The following SYNE1 variants were observed in gnomAD, a reference collection of about 807,000 sequenced individuals.
SYNE1 encodes the protein spectrin repeat containing nuclear envelope protein 1, also known as nesprin-1.
In SYNE1, 616 loss-of-function variants were observed where a neutral mutation model predicts 1,111.0. The observed-to-expected ratio is 0.55, with a 90% confidence interval of 0.52 to 0.59. SYNE1 has a LOEUF of 0.59. Ranked by LOEUF, SYNE1 falls within the 20% of genes least tolerant of loss-of-function variation. The pLI is 0.00. For synonymous variants in SYNE1, 3,855 were observed against 3,825.8 expected (o/e 1.01, Z -0.28); for missense variants, 10,006 against 10,417.0 (o/e 0.96, Z 1.72).
At chr6:152,481,532 A>G (rs1256220691) in intron 14 of SYNE1, 2 of 453,672 alleles carry the variant, frequency 4.4e-6, no homozygotes, top group Non-Finnish European at 8.9e-6. Flanking sequence ...AAACATGCAC[A>G]TGTACCCCCT....
intron 3 of SYNE1, among the ~76,000 whole-genome samples, chr6:152,614,326 A>G (rs1293005154): frequency 6.6e-6 from 1 of 152,254 alleles, no homozygotes; most frequent in Non-Finnish European, 1.5e-5. Context: ...GGCAAAGGAT[A>G]TAAACAGACA....
At chr6:152,630,395 A>T (rs2099696045) in intron 2 of SYNE1, among the ~76,000 whole-genome samples, 1 of 152,202 alleles carries the variant, frequency 6.6e-6, no homozygotes, top group African/African-American at 2.4e-5. Flanking sequence ...GGGATTCTTC[A>T]TGGAGAAATA....
intron 16 of SYNE1, 61 bp downstream of exon 16, chr6:152,471,536 T>C: frequency 6.6e-7 from 1 of 1,511,646 alleles, no homozygotes; most frequent in Non-Finnish European, 9.2e-7. Context: ...TCAAAGAAAC[T>C]GAACTGTGTT....
In SYNE1 at chr6:152,447,375, T is replaced by G. The variant is rs1458711959; in HGVS notation, c.3669+83A>C. On this transcript the variant is annotated intron_variant, in intron 29 of 145. Transcript: ENST00000367255. ...ACTATGGTTTCTTTATAAAATTACT[T>G]GCTAAACTACAACCAGAAGAAAAAG... 3 of 1,463,562 alleles carry G rather than the reference T, an allele frequency of 2.0e-6. No individual in the cohort carries two copies. The African/African-American group carries it at 4.2e-5, about 21-fold the overall frequency. The allele number at this position is 1,463,562 out of a possible 1,614,324, so 90.7% of individuals were successfully genotyped here.
rs551711266 is a variant in SYNE1, at chr6:152,180,112, C to A, written c.23460+24G>T. On this transcript the variant is annotated intron_variant, in intron 129 of 145. Transcript: ENST00000367255. ...ACATAAGCCTTATGAAGAATGAAAA[C>A]CTAAGTAGCCATGCATTCCATACCT... 11 of 1,613,696 alleles carry A rather than the reference C, an allele frequency of 6.8e-6. No homozygotes were observed. In the African/African-American group the frequency reaches 9.3e-5, roughly 14 times the overall value.
At chr6:152,578,287 A>G (rs559864576) in intron 3 of SYNE1, among the ~76,000 whole-genome samples, 1 of 152,166 alleles carries the variant, frequency 6.6e-6, no homozygotes, top group African/African-American at 2.4e-5. Flanking sequence ...CATTACCACA[A>G]TATAATATGA....
At position 152,266,985 on chromosome 6, in the gene SYNE1, CTA is replaced by C. The variant is rs562646706; in HGVS notation, c.18815+1069_18815+1070del. Among the ~76,000 whole-genome samples the C allele has an allele frequency of 7.6e-3, 1,153 of 152,216 alleles. 5 individuals carry two copies. The highest frequency in any genetic ancestry group is 0.011 in the Non-Finnish European group (759 of 68,000). The stretch of plus-strand genomic sequence containing the variant: ...TCTAGTTCTTATCTACACACATACT[CTA>C]CTTTCAACTTTATATCACATTTTTA... On this transcript the variant is annotated intron_variant, in intron 100 of 145. Coordinates refer to ENST00000367255, the MANE Select transcript of SYNE1 (RefSeq NM_182961.4).
intron 3 of SYNE1, among the ~76,000 whole-genome samples, chr6:152,603,674 G>A (rs2099601497): frequency 1.3e-5 from 2 of 151,128 alleles, no homozygotes; most frequent in African/African-American, 4.9e-5. Context: ...TCTATATCTA[G>A]AATACATATG....
At chr6:152,541,523 C>G (rs1453529004) in intron 3 of SYNE1, among the ~76,000 whole-genome samples, 2 of 152,032 alleles carry the variant, frequency 1.3e-5, no homozygotes, top group Admixed American at 1.3e-4. Context: ...CCGAGGCAGG[C>G]AGATTACGAG....
intron 133 of SYNE1, among the ~76,000 whole-genome samples, chr6:152,152,480 C>T (rs575862637): frequency 2.6e-5 from 4 of 152,230 alleles, no homozygotes; most frequent in Admixed American, 2.6e-4. Flanking sequence ...AACAAATATT[C>T]CCACAAAGCA....
Position 152,506,109 on chromosome 6 carries a change from G to C in SYNE1, c.582-712C>G, listed in dbSNP as rs570338055. ...TGGTAAATCTTTTTTCTTTGATGGC[G>C]GATTTGATTAACTCAAAGCCAGTTA... On this transcript the variant is annotated intron_variant, in intron 8 of 145. Transcript: ENST00000367255. Among the ~76,000 whole-genome samples, 5 of 152,218 alleles carry C rather than the reference G, an allele frequency of 3.3e-5. No individual in the cohort carries two copies. In the South Asian group the frequency reaches 1.0e-3, roughly 32 times the overall value.
intron 3 of SYNE1, among the ~76,000 whole-genome samples, chr6:152,609,148 C>T (rs1407500227): frequency 6.6e-6 from 1 of 151,962 alleles, no homozygotes; most frequent in Non-Finnish European, 1.5e-5. Flanking sequence ...GGAGGGTGAG[C>T]TGACGAAGCA....
At chr6:152,620,057 T>G (rs1305435399) in intron 3 of SYNE1, among the ~76,000 whole-genome samples, 1 of 152,194 alleles carries the variant, frequency 6.6e-6, no homozygotes, top group African/African-American at 2.4e-5. Context: ...GGCTCAGACC[T>G]GATATTTATA....
In SYNE1 at chr6:152,300,669, AC is replaced by A; in HGVS notation, c.17653del (p.Val5885TrpfsTer63). ...SPPACRSPSP[V>X]ANTDASVNQD... is the part of the protein sequence containing the mutation. ...GTTAACAGAAGCATCTGTATTAGCC[AC>A]AGGTGAAGGGGAGCGACAGGCAGGT... On this transcript the variant is annotated frameshift_variant, in exon 93 of 146. Transcript: ENST00000367255. LOFTEE classifies it high-confidence loss of function. 6.2e-7 allele frequency: 1 copy of A among 1,614,212 alleles called. No individual in the cohort carries two copies. Among genetic ancestry groups the A allele is most frequent in the Non-Finnish European group, 8.5e-7 (1 of 1,180,034 alleles).
intron 32 of SYNE1, 51 bp downstream of exon 32, chr6:152,441,079 T>A: frequency 6.2e-7 from 1 of 1,604,730 alleles, no homozygotes; most frequent in Non-Finnish European, 8.5e-7. Flanking sequence ...TCATTTTGTT[T>A]GTTTTGCTTT....
intron 52 of SYNE1, 23 bp downstream of exon 52, chr6:152,391,252 AGT>A (rs769331196): frequency 1.9e-6 from 3 of 1,613,582 alleles, no homozygotes; most frequent in Non-Finnish European, 2.5e-6. Context: ...AGCAGTTGTC[AGT>A]GTCTGGCTGG....
Position 152,430,126 on chromosome 6 carries a change from G to T in SYNE1, c.4774C>A (p.Leu1592Ile), listed in dbSNP as rs781021514. The T allele has an allele frequency of 1.9e-6, 3 of 1,596,104 alleles. No homozygotes were observed. Among genetic ancestry groups the T allele is most frequent in the Non-Finnish European group, 2.6e-6 (3 of 1,167,220 alleles). ...CATACTCTTACCATATGTTCTTGAA[G>T]AACTTTGTATGTTTCTGTAGCTGAA... ...CSSATETYKVLQEHMDLCQAL... is the reference protein window; with the variant it reads ...CSSATETYKVIQEHMDLCQAL... Residue 1592 changes from leucine (L) to isoleucine (I), a missense_variant, in exon 36 of 146, where the codon CTT (leucine) becomes ATT (isoleucine). Physicochemically the swap from Leu to Ile is conservative, Grantham distance 5 (BLOSUM62 2). Around this residue, in one of 7 missense-constraint regions of SYNE1, gnomAD observed 1,971 missense variants for 2,084.1 expected, o/e 0.95. Coordinates refer to ENST00000367255, the MANE Select transcript of SYNE1 (RefSeq NM_182961.4).
At chr6:152,193,391 C>G (rs559064735) in intron 127 of SYNE1, among the ~76,000 whole-genome samples, 9 of 152,324 alleles carry the variant, frequency 5.9e-5, no homozygotes, top group African/African-American at 2.2e-4. Flanking sequence ...TTTGTCAGCT[C>G]ACTGCAATCT....
chr6:152,154,810 T>C, intron 133 of SYNE1, 82 bp downstream of exon 133: 1 of 1,496,542 alleles, frequency 6.7e-7, no homozygotes, highest in Non-Finnish European at 9.3e-7. Context: ...GGTGAACAGC[T>C]AGTTTAGGTC....
Sources: allele counts gnomAD v4.1 joint callset (sites outside exome capture counted in the v4.1 genomes callset), GRCh38; gene constraint gnomAD v4.1.1; regional missense constraint gnomAD v4.1.1; transcripts MANE v1.5; gene names NCBI Gene and HGNC (gene_info 2026-07-23, HGNC 2026-07-21).